Variants in TPP2 observed in about 807,000 individuals in gnomAD.
TPP2 encodes the protein tripeptidyl-peptidase 2.
TPP2 carries 34 observed loss-of-function variants against 155.9 expected under a neutral mutation model. The observed-to-expected ratio is 0.22, with a 90% CI of 0.17 to 0.29. The LOEUF is 0.29. TPP2 is among the 10% of genes least tolerant of loss of function. TPP2 has a pLI of 1.00. For synonymous variants in TPP2, 510 were observed against 529.4 expected (o/e 0.96, Z 0.50); for missense variants, 1,028 against 1,522.3 (o/e 0.68, Z 5.40).
At chr13:102,606,352 T>C (rs60290639) in intron 2 of TPP2, among the ~76,000 whole-genome samples, 12,340 of 152,190 alleles carry the variant, frequency 0.081, 690 homozygotes, top group African/African-American at 0.16. Flanking sequence ...TATTCCTGTA[T>C]TTATTATATC....
At chr13:102,628,214 TTAG>T (rs1881778438) in intron 8 of TPP2, among the ~76,000 whole-genome samples, 1 of 152,154 alleles carries the variant, frequency 6.6e-6, no homozygotes, top group Admixed American at 6.5e-5. Context: ...TCTTCCTTGG[TTAG>T]GTCTCCCTCA....
intron 1 of TPP2, among the ~76,000 whole-genome samples, chr13:102,603,436 CTT>C (rs1254571725): frequency 1.3e-5 from 2 of 152,150 alleles, no homozygotes; most frequent in Admixed American, 6.5e-5. Context: ...TCGAGGAGGC[CTT>C]TCTGCAGGAG....
chr13:102,634,137 C>G lies in TPP2; in HGVS notation c.1393+39C>G, dbSNP rs772123073. The G allele has an allele frequency of 1.9e-6, 3 of 1,606,898 alleles. No homozygotes were observed. The African/African-American group carries it at 4.0e-5, about 21-fold the overall frequency. On this transcript the variant is annotated intron_variant, in intron 11 of 29. Transcript: ENST00000376052. The stretch of plus-strand genomic sequence containing the variant: ...TTATTGTCCTTACATTATTGCAGAC[C>G]AATATTTTTGTTTTCTGAAGCTCTC...
chr13:102,649,333 A>C, intron 22 of TPP2, 75 bp from the exon 23 acceptor site: 2 of 1,512,148 alleles, frequency 1.3e-6, no homozygotes, highest in Non-Finnish European at 9.0e-7. Context: ...AATTGTTTTC[A>C]TGTTTTTCCC....
intron 2 of TPP2, among the ~76,000 whole-genome samples, chr13:102,609,392 C>T (rs372646053): frequency 1.9e-4 from 15 of 79,834 alleles, no homozygotes; most frequent in South Asian, 4.8e-4. Flanking sequence ...AAGTGCCATG[C>T]TTTTTTTTTT....
chr13:102,670,782 G>A (rs1204695010), intron 27 of TPP2, among the ~76,000 whole-genome samples: 3 of 152,178 alleles, frequency 2.0e-5, no homozygotes, highest in Non-Finnish European at 2.9e-5. Context: ...TTTAATGTGT[G>A]TAAGTTGCTA....
intron 5 of TPP2, 58 bp downstream of exon 5, chr13:102,618,904 A>C (rs757403020): frequency 5.1e-6 from 8 of 1,555,366 alleles, no homozygotes; most frequent in Non-Finnish European, 6.9e-6. Flanking sequence ...TCTACTCTGA[A>C]AAACATTAAA....
At chr13:102,652,099 G>A (rs1883532270) in intron 24 of TPP2, among the ~76,000 whole-genome samples, 1 of 152,168 alleles carries the variant, frequency 6.6e-6, no homozygotes, top group Non-Finnish European at 1.5e-5. Flanking sequence ...TTTAGGGCCA[G>A]GCGCAGTGAC....
chr13:102,613,743 T>C (rs1022592971), intron 2 of TPP2, among the ~76,000 whole-genome samples: 1 of 152,256 alleles, frequency 6.6e-6, no homozygotes, highest in African/African-American at 2.4e-5. Context: ...CTAGGCGTAC[T>C]GTTTGCATCG....
rs12872531 is a variant in TPP2, at chr13:102,632,340, G to C, written c.1245-1610G>C. On this transcript the variant is annotated intron_variant, in intron 10 of 29. Transcript: ENST00000376052. ...GCTCACTACAACCTCCACCTCTCAG[G>C]TTCAACCAATTCTGCCTCAGCCTCC... 5.3e-3 allele frequency among the ~76,000 whole-genome samples: 798 copies of C among 151,748 alleles called. 3 individuals carry two copies. Among genetic ancestry groups the C allele is most frequent in the Non-Finnish European group, 9.3e-3 (632 of 67,966 alleles).
chr13:102,649,261 T>C, intron 22 of TPP2, 110 bp downstream of exon 22: 1 of 1,436,692 alleles, frequency 7.0e-7, no homozygotes, highest in South Asian at 1.4e-5. Flanking sequence ...ATTTTTTTTT[T>C]GGCTGAAGTA....
intron 24 of TPP2, among the ~76,000 whole-genome samples, chr13:102,653,414 A>T (rs937815507): frequency 6.6e-6 from 1 of 152,118 alleles, no homozygotes; most frequent in Non-Finnish European, 1.5e-5. Context: ...TTTTTTTAAG[A>T]GACAGTCTCA....
intron 27 of TPP2, among the ~76,000 whole-genome samples, chr13:102,670,664 G>C (rs374780874): frequency 2.6e-5 from 4 of 152,174 alleles, no homozygotes; most frequent in African/African-American, 9.7e-5. Flanking sequence ...ACCTGGGAGA[G>C]TCTAGGGCTG....
At chr13:102,604,486 G>T (rs1021002968) in intron 1 of TPP2, among the ~76,000 whole-genome samples, 1 of 152,000 alleles carries the variant, frequency 6.6e-6, no homozygotes, top group Non-Finnish European at 1.5e-5. Flanking sequence ...CTATAAGATC[G>T]TCAGGGATTT....
At chr13:102,652,842 A>G (rs1189940697) in intron 24 of TPP2, among the ~76,000 whole-genome samples, 1 of 152,200 alleles carries the variant, frequency 6.6e-6, no homozygotes, top group African/African-American at 2.4e-5. Context: ...CAGACTCATA[A>G]AATTGTAATT....
chr13:102,665,557 G>A (rs937437865), intron 27 of TPP2, among the ~76,000 whole-genome samples: 1 of 152,136 alleles, frequency 6.6e-6, no homozygotes, highest in Non-Finnish European at 1.5e-5. Flanking sequence ...GTATGTTGGT[G>A]TAATTAATGG....
chr13:102,634,731 A>G (rs1249291885), intron 11 of TPP2, among the ~76,000 whole-genome samples: 1 of 152,154 alleles, frequency 6.6e-6, no homozygotes, highest in Non-Finnish European at 1.5e-5. Context: ...GCCTGTGATG[A>G]TGTACCACTT....
At chr13:102,622,793 A>G in intron 5 of TPP2, 84 bp from the exon 6 acceptor site, 7 of 1,430,468 alleles carry the variant, frequency 4.9e-6, no homozygotes, top group Non-Finnish European at 6.6e-6. Context: ...GTAGTATAGT[A>G]AAATAGTGGA....
intron 19 of TPP2, 76 bp downstream of exon 19, chr13:102,645,085 CTT>C (rs10713633): frequency 0.032 from 33,197 of 1,028,096 alleles, 3 homozygotes; most frequent in Non-Finnish European, 0.034. Context: ...AAAAAAGGGC[CTT>C]TTTTTTTTTT....
Sources: gnomAD v4.1 joint callset for allele counts (sites outside exome capture counted in the v4.1 genomes callset) on GRCh38, gnomAD v4.1.1 for gene constraint, MANE v1.5 for transcripts, NCBI Gene and HGNC (gene_info 2026-07-23, HGNC 2026-07-21) for gene names.